PRKG1: variants seen among roughly 807,000 people sequenced by gnomAD.
PRKG1 encodes cGMP-dependent protein kinase 1.
In PRKG1, 35 loss-of-function variants were observed where a neutral mutation model predicts 88.1. The observed-to-expected ratio is 0.40, with a 90% CI of 0.30 to 0.53. The LOEUF (loss-of-function observed/expected upper bound fraction) is 0.53, where lower values mean the gene tolerates loss of function less well. PRKG1 is among the 20% of genes least tolerant of loss of function. The pLI is 0.59. For synonymous variants in PRKG1, 303 were observed against 292.5 expected (o/e 1.04, Z -0.37); for missense variants, 540 against 839.8 (o/e 0.64, Z 4.41).
At chr10:51,129,594 CAGTT>C (rs1378989794) in intron 1 of PRKG1, among the ~76,000 whole-genome samples, 3 of 152,162 alleles carry the variant, frequency 2.0e-5, no homozygotes, top group Non-Finnish European at 2.9e-5. Flanking sequence ...TCAAGTGAGA[CAGTT>C]AGACACATCC....
intron 12 of PRKG1, among the ~76,000 whole-genome samples, chr10:52,279,387 G>A (rs1007970514): frequency 1.3e-5 from 2 of 152,064 alleles, no homozygotes; most frequent in Non-Finnish European, 2.9e-5. Flanking sequence ...TTATAGTTAA[G>A]ATTCTAGAAT....
At chr10:51,150,516 A>G (rs1589196012) in intron 1 of PRKG1, among the ~76,000 whole-genome samples, 1 of 152,156 alleles carries the variant, frequency 6.6e-6, no homozygotes, top group South Asian at 2.1e-4. Context: ...GTTGTACTAC[A>G]CAGAGGCACA....
At chr10:51,254,092 C>T (rs1839493252) in intron 2 of PRKG1, among the ~76,000 whole-genome samples, 1 of 151,928 alleles carries the variant, frequency 6.6e-6, no homozygotes, top group South Asian at 2.1e-4. Flanking sequence ...TAATATTATA[C>T]ACACATACAC....
chr10:51,043,505 T>G (rs1843451422), intron 1 of PRKG1, among the ~76,000 whole-genome samples: 1 of 152,200 alleles, frequency 6.6e-6, no homozygotes, highest in South Asian at 2.1e-4. Flanking sequence ...TAGCATTATT[T>G]ATTTAATCCT....
chr10:51,681,779 GATTA>G (rs1421395606), intron 3 of PRKG1, among the ~76,000 whole-genome samples: 4 of 152,060 alleles, frequency 2.6e-5, no homozygotes, highest in African/African-American at 9.7e-5. Flanking sequence ...AGTAGATGAG[GATTA>G]ATTAAATCAT....
intron 2 of PRKG1, among the ~76,000 whole-genome samples, chr10:51,280,206 C>T (rs1265142003): frequency 6.6e-6 from 1 of 152,222 alleles, no homozygotes; most frequent in Non-Finnish European, 1.5e-5. Context: ...CCCCCACTCT[C>T]TACTGGCTTG....
chr10:51,877,597 C>T (rs1841330677), intron 4 of PRKG1, among the ~76,000 whole-genome samples: 1 of 152,148 alleles, frequency 6.6e-6, no homozygotes, highest in African/African-American at 2.4e-5. Context: ...TTCTTTATTA[C>T]CCCAGCACTC....
chr10:51,962,453 T>C (rs889078443), intron 5 of PRKG1, among the ~76,000 whole-genome samples: 18 of 152,302 alleles, frequency 1.2e-4, no homozygotes, highest in Non-Finnish European at 8.8e-5. Flanking sequence ...AGGTCTTGAA[T>C]GGCTAATTTA....
At chr10:51,417,336 A>C (rs541854838) in intron 2 of PRKG1, among the ~76,000 whole-genome samples, 5 of 152,158 alleles carry the variant, frequency 3.3e-5, no homozygotes, top group Non-Finnish European at 7.4e-5. Context: ...AAGCTTCCCC[A>C]CTGGAATCCA....
chr10:51,743,377 G>T (rs549124997), intron 3 of PRKG1, among the ~76,000 whole-genome samples: 1 of 151,972 alleles, frequency 6.6e-6, no homozygotes, highest in Non-Finnish European at 1.5e-5. Context: ...ACCAAGCTTT[G>T]AGTGTCAGTG....
At chr10:51,285,957 CTTTATTTATTTATTA>C in intron 2 of PRKG1, among the ~76,000 whole-genome samples, 1 of 146,756 alleles carries the variant, frequency 6.8e-6, no homozygotes, top group Non-Finnish European at 1.5e-5. Context: ...CAGCAGGTGC[CTTTATTTATTTATTA>C]TTTATTTATT....
At chr10:51,211,799 G>C (rs1838228235) in intron 2 of PRKG1, among the ~76,000 whole-genome samples, 1 of 152,210 alleles carries the variant, frequency 6.6e-6, no homozygotes, top group South Asian at 2.1e-4. Context: ...ACAAACCACT[G>C]TTCAATGAAA....
intron 7 of PRKG1, among the ~76,000 whole-genome samples, chr10:52,132,728 T>G (rs9971340): frequency 0.34 from 50,951 of 151,900 alleles, 8,918 homozygotes; most frequent in African/African-American, 0.43. Context: ...GAAATTTTAT[T>G]GTTTTTGGAA....
intron 3 of PRKG1, among the ~76,000 whole-genome samples, chr10:51,602,046 T>C (rs1180625036): frequency 6.6e-6 from 1 of 152,118 alleles, no homozygotes; most frequent in Non-Finnish European, 1.5e-5. Context: ...TCTTCGGCCC[T>C]TGTAAATTGG....
intron 2 of PRKG1, among the ~76,000 whole-genome samples, chr10:51,196,478 T>C (rs1336124919): frequency 6.6e-6 from 1 of 152,162 alleles, no homozygotes; most frequent in Non-Finnish European, 1.5e-5. Flanking sequence ...ACTAGAAACC[T>C]TTGTCAGTGA....
At chr10:51,004,874 C>A (rs1043366487) in intron 1 of PRKG1, among the ~76,000 whole-genome samples, 1 of 152,002 alleles carries the variant, frequency 6.6e-6, no homozygotes, top group Non-Finnish European at 1.5e-5. Context: ...ATTTGTTTTT[C>A]TTTTCATCAA....
chr10:51,380,032 C>A, intron 2 of PRKG1, among the ~76,000 whole-genome samples: 1 of 152,180 alleles, frequency 6.6e-6, no homozygotes, highest in Non-Finnish European at 1.5e-5. Flanking sequence ...CTGGCTCATT[C>A]TTCTCCACCA....
rs568521910 is a variant in PRKG1 at position 51,785,346 on chromosome 10, G to A, written c.593-19239G>A. Among the ~76,000 whole-genome samples the A allele has an allele frequency of 9.4e-4, 143 of 151,836 alleles. 5 individuals carry two copies. In the South Asian group the frequency reaches 0.025, roughly 26 times the overall value. On this transcript the variant is annotated intron_variant, in intron 3 of 17. Transcript: ENST00000373980. ...CTGTGGCATAACCCTGACCATGGAC[G>A]TTTTTCTTGTTCTTTGTTACTGTTT...
At chr10:51,946,906 CA>C (rs1471121711) in intron 5 of PRKG1, among the ~76,000 whole-genome samples, 2 of 152,076 alleles carry the variant, frequency 1.3e-5, no homozygotes, top group Non-Finnish European at 2.9e-5. Flanking sequence ...GCTCAGGGGT[CA>C]GGGGTCAGGG....
Sources: allele counts gnomAD v4.1 joint callset (sites outside exome capture counted in the v4.1 genomes callset), GRCh38; gene constraint gnomAD v4.1.1; transcripts MANE v1.5; gene names NCBI Gene and HGNC (gene_info 2026-07-23, HGNC 2026-07-21).